FOXO1: variants seen among roughly 807,000 people sequenced by gnomAD.
FOXO1 encodes forkhead box O1.
In FOXO1, 6 loss-of-function variants were observed where a neutral mutation model predicts 44.1. That is an observed-to-expected ratio of 0.14 (90% CI 0.07 to 0.27). FOXO1 has a LOEUF of 0.27. Among genes scored for constraint, FOXO1 ranks in the 10% least tolerant of loss-of-function variants. FOXO1 has a pLI of 1.00. For missense variants in FOXO1, 737 were observed against 888.8 expected (o/e 0.83, Z 2.17); for synonymous variants, 380 against 362.7 (o/e 1.05, Z -0.54).
chr13:40,580,099 C>T (rs777424347), intron 1 of FOXO1, among the ~76,000 whole-genome samples: 34 of 152,102 alleles, frequency 2.2e-4, no homozygotes, highest in Non-Finnish European at 3.7e-4. Flanking sequence ...TTTGCTGCTG[C>T]TGTTAAAGAA....
Position 40,559,751 on chromosome 13 carries a change from G to A in FOXO1, c.1740C>T (p.Ser580=), listed in dbSNP as rs377056137. ...TGCCATAGCCATTGCAGCTGCTCAC[G>A]GAGGAGTAGCCCCCCAGGGCACTCA... ...MQMSALGGYS[S]VSSCNGYGRM... The change falls in exon 2 of 3, where the codon TCC becomes TCT. Residue 580 remains serine (S), a synonymous_variant. Transcript: ENST00000379561. The A allele has an allele frequency of 1.8e-5, 29 of 1,613,386 alleles. No homozygotes were observed. Among genetic ancestry groups the A allele is most frequent in the East Asian group, 1.1e-4 (5 of 44,866 alleles).
chr13:40,586,037 GTT>G (rs1875151847), intron 1 of FOXO1, among the ~76,000 whole-genome samples: 1 of 152,102 alleles, frequency 6.6e-6, no homozygotes, highest in South Asian at 2.1e-4. Context: ...TCATCTACCT[GTT>G]TCCCCTAACT....
intron 1 of FOXO1, among the ~76,000 whole-genome samples, chr13:40,566,120 A>G (rs1288508472): frequency 6.6e-6 from 1 of 152,182 alleles, no homozygotes; most frequent in African/African-American, 2.4e-5. Flanking sequence ...GGGGCCTCCG[A>G]GCTCTGGACA....
intron 1 of FOXO1, among the ~76,000 whole-genome samples, chr13:40,599,370 T>A (rs560895956): frequency 6.6e-6 from 1 of 152,326 alleles, no homozygotes; most frequent in East Asian, 1.9e-4. Context: ...GCATTTTATA[T>A]ACTACACTAT....
Position 40,560,164 on chromosome 13 carries a change from G to T in FOXO1, c.1327C>A (p.Gln443Lys), listed in dbSNP as rs1302099232. Residue 443 changes from glutamine to lysine, a missense_variant, in exon 2 of 3, where the codon CAG becomes AAG. Gln to Lys is a moderately conservative substitution (Grantham distance 53). Transcript: ENST00000379561. This position sits in a 1 kb window ranked among gnomAD's most constrained non-coding sequence, Gnocchi z 5.1. ...CCTCCATAACTCGACTTATTGTCCT[G>T]AAGTGTTTGTATAGGCATCTGGGGC... ...PLPQMPIQTL[Q>K]DNKSSYGGMS... 1.2e-6 allele frequency: 2 copies of T among 1,614,020 alleles called. No individual in the cohort carries two copies. The highest frequency in any genetic ancestry group is 1.3e-5 in the African/African-American group (1 of 74,890).
At chr13:40,652,348 A>C (rs58919811) in intron 1 of FOXO1, among the ~76,000 whole-genome samples, 61,571 of 149,460 alleles carry the variant, frequency 0.41, 13,923 homozygotes, top group East Asian at 0.73. Flanking sequence ...TGTAGCGGCA[A>C]GATCTCCGCT....
chr13:40,583,642 C>T (rs1227473719), intron 1 of FOXO1, among the ~76,000 whole-genome samples: 3 of 152,230 alleles, frequency 2.0e-5, no homozygotes, highest in Non-Finnish European at 4.4e-5. Context: ...TCTTCTGCAG[C>T]TTCCTCACCT....
At chr13:40,588,276 A>G (rs1875246062) in intron 1 of FOXO1, among the ~76,000 whole-genome samples, 1 of 152,174 alleles carries the variant, frequency 6.6e-6, no homozygotes, top group Admixed American at 6.5e-5. Flanking sequence ...CACAGTCAGG[A>G]AGTTTGAGTG....
Position 40,560,590 on chromosome 13 carries a change from A to G in FOXO1, c.901T>C (p.Ser301Pro). The change falls in exon 2 of 3, where the codon TCT becomes CCT. Residue 301 changes from serine (S) to proline (P), a missense_variant. Ser to Pro is a moderately conservative substitution (Grantham distance 74). Coordinates refer to ENST00000379561, the MANE Select transcript of FOXO1 (RefSeq NM_002015.4). The surrounding 1 kb of genome is among the most constrained non-coding windows in gnomAD (Gnocchi z 5.1). ...TTATCAAAGTCATCATTGCTGTGAG[A>G]GCCAGGGCTTGCAGGCCATTTGGAA... ...QFSKWPASPG[S>P]HSNDDFDNWS... The G allele has an allele frequency of 6.2e-7, 1 of 1,614,164 alleles. No homozygotes were observed. Among genetic ancestry groups the G allele is most frequent in the Non-Finnish European group, 8.5e-7 (1 of 1,180,028 alleles).
chr13:40,656,627 T>A (rs1877866781), intron 1 of FOXO1, among the ~76,000 whole-genome samples: 1 of 152,232 alleles, frequency 6.6e-6, no homozygotes, highest in East Asian at 1.9e-4. Context: ...ATTCCATAGG[T>A]CTCCATATTT....
chr13:40,648,283 C>T (rs996985902), intron 1 of FOXO1, among the ~76,000 whole-genome samples: 1 of 152,116 alleles, frequency 6.6e-6, no homozygotes, highest in East Asian at 1.9e-4. Flanking sequence ...AAATACACAC[C>T]GGCTAAGAGT....
At chr13:40,641,348 T>C (rs1877345571) in intron 1 of FOXO1, among the ~76,000 whole-genome samples, 1 of 152,060 alleles carries the variant, frequency 6.6e-6, no homozygotes, top group Admixed American at 6.5e-5. Context: ...CAAACACACC[T>C]GAATTATTCT....
At chr13:40,644,225 A>G (rs1182239982) in intron 1 of FOXO1, among the ~76,000 whole-genome samples, 1 of 152,196 alleles carries the variant, frequency 6.6e-6, no homozygotes, top group Non-Finnish European at 1.5e-5. Flanking sequence ...GCCCATTATC[A>G]TGCTCCAAAA....
At chr13:40,627,424 T>C (rs1876820235) in intron 1 of FOXO1, among the ~76,000 whole-genome samples, 1 of 152,202 alleles carries the variant, frequency 6.6e-6, no homozygotes. Context: ...AATGCTCAAA[T>C]GCACTGTATA....
rs1254986047 is a variant in FOXO1, at chr13:40,556,421, A to C, written c.*2628T>G. The stretch of plus-strand genomic sequence containing the variant: ...ATATTTAAAATATCTGAATAGCTCT[A>C]TAATACAATATGCTTTTAATAACAG... On this transcript the variant is annotated 3_prime_UTR_variant, in exon 3 of 3. Coordinates refer to ENST00000379561, the MANE Select transcript of FOXO1 (RefSeq NM_002015.4). 1 of 152,704 alleles carries C rather than the reference A, an allele frequency of 6.5e-6. No individual in the cohort carries two copies. The highest frequency in any genetic ancestry group is 1.5e-5 in the Non-Finnish European group (1 of 68,056). The allele number at this position is 152,704 out of a possible 1,614,324, so 9.5% of individuals were successfully genotyped here.
Position 40,603,462 on chromosome 13 carries a change from A to ATG in FOXO1, c.631-42604_631-42603dup, listed in dbSNP as rs1491281116. Among the ~76,000 whole-genome samples, 6 of 151,918 alleles carry ATG rather than the reference A, an allele frequency of 3.9e-5. No individual in the cohort carries two copies. In the East Asian group the frequency reaches 9.7e-4, roughly 24 times the overall value. On this transcript the variant is annotated intron_variant, in intron 1 of 2. Coordinates refer to ENST00000379561, the MANE Select transcript of FOXO1 (RefSeq NM_002015.4). ...CTTATATATGTGTGTGTGTCTGTAC[A>ATG]TGTGTGTGTGTACATATATATGTAT...
At chr13:40,640,937 C>T (rs1877330394) in intron 1 of FOXO1, among the ~76,000 whole-genome samples, 1 of 152,168 alleles carries the variant, frequency 6.6e-6, no homozygotes, top group African/African-American at 2.4e-5. Flanking sequence ...GCACCTGCCA[C>T]CATACCCGGC....
At chr13:40,564,979 AC>A (rs549505824) in intron 1 of FOXO1, among the ~76,000 whole-genome samples, 1 of 151,464 alleles carries the variant, frequency 6.6e-6, no homozygotes, top group Non-Finnish European at 1.5e-5. Context: ...TAGTCGGGGA[AC>A]CCCGACATGG....
Position 40,589,020 on chromosome 13 carries a change from A to C in FOXO1, c.631-28160T>G, listed in dbSNP as rs1167229821. On this transcript the variant is annotated intron_variant, in intron 1 of 2. Coordinates refer to ENST00000379561, the MANE Select transcript of FOXO1 (RefSeq NM_002015.4). ...CTTTGGAGGCTGAGGCACAAGAATC[A>C]CTTGAATCCAGCAGGCAGAGGTTGC... Among the ~76,000 whole-genome samples the C allele has an allele frequency of 2.0e-5, 3 of 152,244 alleles. No homozygotes were observed. The East Asian group carries it at 5.8e-4, about 29-fold the overall frequency.
Sources: gnomAD v4.1 joint callset for allele counts (sites outside exome capture counted in the v4.1 genomes callset) on GRCh38, gnomAD v4.1.1 for gene constraint, Gnocchi (gnomAD v3.1) non-coding constraint, MANE v1.5 for transcripts, NCBI Gene and HGNC (gene_info 2026-07-23, HGNC 2026-07-21) for gene names.